Variants in HIBADH observed in about 807,000 individuals in gnomAD.
The protein encoded by HIBADH is 3-hydroxyisobutyrate dehydrogenase.
HIBADH carries 25 observed loss-of-function variants against 36.1 expected under a neutral mutation model. The ratio of observed to expected loss-of-function variants is 0.69; its 90% CI spans 0.50 to 0.97. The LOEUF (loss-of-function observed/expected upper bound fraction) is 0.97, where lower values mean the gene tolerates loss of function less well. Among genes scored for constraint, HIBADH ranks in the 50% least tolerant of loss-of-function variants. HIBADH has a pLI of 0.00. For synonymous variants in HIBADH, 160 were observed against 149.5 expected (o/e 1.07, Z -0.51); for missense variants, 421 against 418.0 (o/e 1.01, Z -0.06).
rs74372856 is a variant in HIBADH at position 27,577,632 on chromosome 7, C to T, written c.485-34532G>A. 4.7e-3 allele frequency among the ~76,000 whole-genome samples: 709 copies of T among 152,170 alleles called. 11 individuals carry two copies. The highest frequency in any genetic ancestry group is 0.016 in the African/African-American group (670 of 41,510). On this transcript the variant is annotated intron_variant, in intron 4 of 7. Coordinates refer to ENST00000265395, the MANE Select transcript of HIBADH (RefSeq NM_152740.4). ...ATGAAAACAAGGTTTCAGAAAGGCT[C>T]GCAATATAAAGAGAAGACTTTGGGT...
chr7:27,585,670 C>T (rs1268878566), intron 4 of HIBADH, among the ~76,000 whole-genome samples: 1 of 152,074 alleles, frequency 6.6e-6, no homozygotes, highest in Non-Finnish European at 1.5e-5. Context: ...AGAAACAGAT[C>T]AAATGTCAAT....
chr7:27,603,202 C>A (rs959065687), intron 4 of HIBADH, among the ~76,000 whole-genome samples: 1 of 152,080 alleles, frequency 6.6e-6, no homozygotes, highest in East Asian at 1.9e-4. Context: ...CAGTTAATAT[C>A]TCTTCTTTTT....
chr7:27,656,223 C>T (rs1583624492), intron 1 of HIBADH, among the ~76,000 whole-genome samples: 1 of 152,128 alleles, frequency 6.6e-6, no homozygotes, highest in Non-Finnish European at 1.5e-5. Flanking sequence ...TATTTACAAA[C>T]AAGGTGCCCA....
At chr7:27,553,789 T>C (rs1407434529) in intron 4 of HIBADH, among the ~76,000 whole-genome samples, 1 of 108,600 alleles carries the variant, frequency 9.2e-6, no homozygotes, top group Admixed American at 8.3e-5. Context: ...CCCTGGAGAA[T>C]ATGATTTTTA....
At chr7:27,645,911 C>T (rs1351817778) in intron 2 of HIBADH, among the ~76,000 whole-genome samples, 1 of 152,082 alleles carries the variant, frequency 6.6e-6, no homozygotes, top group Admixed American at 6.5e-5. Context: ...AATTGTTTTT[C>T]ACTTTATTGA....
chr7:27,541,504 C>A (rs2128184194), intron 5 of HIBADH, among the ~76,000 whole-genome samples: 1 of 152,296 alleles, frequency 6.6e-6, no homozygotes, highest in East Asian at 1.9e-4. Flanking sequence ...AAAGTGCAAG[C>A]CTGCTGGAGT....
intron 4 of HIBADH, among the ~76,000 whole-genome samples, chr7:27,555,909 A>G (rs1784382349): frequency 6.6e-6 from 1 of 152,184 alleles, no homozygotes; most frequent in Admixed American, 6.5e-5. Context: ...TTAGGGTCAC[A>G]TGATCAAGGG....
chr7:27,618,512 C>T (rs1377013176), intron 4 of HIBADH, among the ~76,000 whole-genome samples: 3 of 152,190 alleles, frequency 2.0e-5, no homozygotes, highest in African/African-American at 7.2e-5. Flanking sequence ...ACCACTCCAG[C>T]TGACCAGTGA....
intron 2 of HIBADH, among the ~76,000 whole-genome samples, chr7:27,639,317 C>T (rs1785917236): frequency 6.6e-6 from 1 of 152,160 alleles, no homozygotes; most frequent in South Asian, 2.1e-4. Flanking sequence ...AGGCCATTAT[C>T]CTAAGCAAAC....
intron 4 of HIBADH, among the ~76,000 whole-genome samples, chr7:27,615,214 TGAA>T (rs1179467490): frequency 6.6e-6 from 1 of 152,022 alleles, no homozygotes; most frequent in African/African-American, 2.4e-5. Context: ...ATGACTGCTA[TGAA>T]GAAGACAGGA....
At chr7:27,551,518 A>G (rs1454356670) in intron 4 of HIBADH, among the ~76,000 whole-genome samples, 1 of 152,238 alleles carries the variant, frequency 6.6e-6, no homozygotes, top group Non-Finnish European at 1.5e-5. Context: ...ACAGTAGGAA[A>G]GAGCTGAAAT....
chr7:27,649,664 C>T (rs1219870144), intron 1 of HIBADH, 31 bp from the exon 2 acceptor site: 25 of 1,493,940 alleles, frequency 1.7e-5, no homozygotes, highest in Non-Finnish European at 2.2e-5. Flanking sequence ...TCAATAGGGG[C>T]AAATAACATT....
At chr7:27,584,599 A>G (rs1480686254) in intron 4 of HIBADH, among the ~76,000 whole-genome samples, 1 of 152,088 alleles carries the variant, frequency 6.6e-6, no homozygotes, top group African/African-American at 2.4e-5. Flanking sequence ...ACAAAAATGC[A>G]GATAGTATAG....
Position 27,649,357 on chromosome 7 carries a change from C to A in HIBADH, c.252+116G>T. The A allele has an allele frequency of 5.7e-6, 4 of 702,466 alleles. No individual in the cohort carries two copies. In the South Asian group the frequency reaches 1.2e-4, roughly 21 times the overall value. The allele number at this position is 702,466 out of a possible 1,614,324, so 43.5% of individuals were successfully genotyped here. On this transcript the variant is annotated intron_variant, in intron 2 of 7. Transcript: ENST00000265395. Reference sequence around the variant, plus strand: ...AATGATTACATATATATAAAATTAACACTGAATTAGGTTTACAACTCCATT... The same window carrying A: ...AATGATTACATATATATAAAATTAAAACTGAATTAGGTTTACAACTCCATT...
intron 4 of HIBADH, among the ~76,000 whole-genome samples, chr7:27,567,222 C>T (rs1230840958): frequency 6.6e-6 from 1 of 151,860 alleles, no homozygotes; most frequent in Non-Finnish European, 1.5e-5. Context: ...TATTAGGTAC[C>T]TACAAATTTA....
chr7:27,634,867 G>A (rs1021456810), intron 2 of HIBADH, among the ~76,000 whole-genome samples: 2 of 152,214 alleles, frequency 1.3e-5, no homozygotes, highest in African/African-American at 2.4e-5. Context: ...TGCATGGGGT[G>A]GCCAATCAGC....
At chr7:27,641,447 C>A (rs1023521716) in intron 2 of HIBADH, among the ~76,000 whole-genome samples, 1 of 152,124 alleles carries the variant, frequency 6.6e-6, no homozygotes, top group African/African-American at 2.4e-5. Context: ...CTCAAATATA[C>A]GCTGAATTTT....
intron 2 of HIBADH, among the ~76,000 whole-genome samples, chr7:27,639,492 T>C (rs1785921250): frequency 6.6e-6 from 1 of 152,250 alleles, no homozygotes; most frequent in Admixed American, 6.5e-5. Flanking sequence ...CCAGGTACCG[T>C]GCTTATTACC....
chr7:27,599,469 T>G (rs1009959497), intron 4 of HIBADH, among the ~76,000 whole-genome samples: 1 of 151,884 alleles, frequency 6.6e-6, no homozygotes, highest in African/African-American at 2.4e-5. Context: ...GATCACGAGG[T>G]CAGGAGATCG....
Sources: gnomAD v4.1 joint callset for allele counts (sites outside exome capture counted in the v4.1 genomes callset) on GRCh38, gnomAD v4.1.1 for gene constraint, MANE v1.5 for transcripts, NCBI Gene and HGNC (gene_info 2026-07-23, HGNC 2026-07-21) for gene names.